TAFA1: variants seen among roughly 807,000 people sequenced by gnomAD.
TAFA1 encodes the protein chemokine-like protein TAFA-1.
A neutral mutation model predicts 18.5 loss-of-function variants in TAFA1; 4 were observed. The observed-to-expected ratio is 0.22, with a 90% CI of 0.11 to 0.49. The LOEUF is 0.49. TAFA1 is among the 20% of genes least tolerant of loss of function. The pLI, the probability that TAFA1 is intolerant of heterozygous loss-of-function variation, is 0.98. For missense variants in TAFA1, 147 were observed against 169.0 expected, an observed-to-expected ratio of 0.87 and a Z score of 0.72; for synonymous variants, 56 against 55.2, an observed-to-expected ratio of 1.01 and a Z score of -0.06.
intron 2 of TAFA1, among the ~76,000 whole-genome samples, chr3:68,035,690 A>G (rs185398936): frequency 6.8e-4 from 104 of 152,336 alleles, no homozygotes; most frequent in African/African-American, 2.4e-3. Flanking sequence ...GTATTCGCCC[A>G]AAAGAAATGC....
At chr3:68,140,221 A>C (rs750037551) in intron 2 of TAFA1, among the ~76,000 whole-genome samples, 23 of 152,194 alleles carry the variant, frequency 1.5e-4, no homozygotes, top group Non-Finnish European at 3.2e-4. Context: ...TGGTTATCAA[A>C]GTTGATTCAG....
At chr3:68,326,809 GATAA>G (rs1455138430) in intron 2 of TAFA1, among the ~76,000 whole-genome samples, 3 of 152,094 alleles carry the variant, frequency 2.0e-5, no homozygotes, top group African/African-American at 7.2e-5. Flanking sequence ...CCTTTGAAAA[GATAA>G]ATAAATAGGG....
chr3:68,526,093 C>T (rs1197431401), intron 3 of TAFA1, among the ~76,000 whole-genome samples: 2 of 152,180 alleles, frequency 1.3e-5, no homozygotes, highest in African/African-American at 4.8e-5. Context: ...AGACACTTCT[C>T]TCCTAGTTGG....
At chr3:68,172,346 A>G (rs4390930) in intron 2 of TAFA1, among the ~76,000 whole-genome samples, 5 of 152,178 alleles carry the variant, frequency 3.3e-5, no homozygotes, top group African/African-American at 1.2e-4. Flanking sequence ...CCACACTGCA[A>G]TACTACTTCA....
chr3:68,032,651 T>C (rs2106655866), intron 2 of TAFA1, among the ~76,000 whole-genome samples: 1 of 152,190 alleles, frequency 6.6e-6, no homozygotes, highest in Middle Eastern at 3.4e-3. Context: ...CCACTTCCCT[T>C]CCCACTCCTC....
intron 2 of TAFA1, among the ~76,000 whole-genome samples, chr3:68,289,903 T>C (rs76440699): frequency 0.086 from 13,086 of 152,272 alleles, 585 homozygotes; most frequent in Middle Eastern, 0.12. Flanking sequence ...TGGAAATGAA[T>C]GAATGGATGA....
intron 2 of TAFA1, among the ~76,000 whole-genome samples, chr3:68,411,380 T>G (rs77505932): frequency 6.6e-6 from 1 of 152,218 alleles, no homozygotes; most frequent in Non-Finnish European, 1.5e-5. Context: ...TATTTGATCA[T>G]GCAAAAATCC....
intron 2 of TAFA1, among the ~76,000 whole-genome samples, chr3:68,262,315 A>T (rs1247112995): frequency 3.5e-5 from 1 of 28,808 alleles, no homozygotes; most frequent in Non-Finnish European, 6.1e-5. Flanking sequence ...GGGTATATAT[A>T]TATATATATA....
intron 3 of TAFA1, among the ~76,000 whole-genome samples, chr3:68,423,158 A>G (rs1337919447): frequency 1.3e-5 from 2 of 152,122 alleles, no homozygotes; most frequent in South Asian, 2.1e-4. Flanking sequence ...AGTTGTAAAA[A>G]TAATGGAACA....
rs915012144 is a variant in TAFA1, at chr3:68,313,657, G to C, written c.119-103623G>C. Among the ~76,000 whole-genome samples the C allele has an allele frequency of 3.9e-5, 6 of 152,220 alleles. No homozygotes were observed. In the South Asian group the frequency reaches 6.2e-4, roughly 16 times the overall value. ...ATCCCCTCAGATGTATTATCTTTCT[G>C]CAGTGTACACCTGGACAATGGTATG... On this transcript the variant is annotated intron_variant, in intron 2 of 4. Transcript: ENST00000478136.
intron 3 of TAFA1, among the ~76,000 whole-genome samples, chr3:68,533,224 TCA>T (rs2073216925): frequency 6.6e-6 from 1 of 152,076 alleles, no homozygotes; most frequent in Admixed American, 6.5e-5. Flanking sequence ...TTTAATAGAC[TCA>T]CAGTTCCATG....
chr3:68,133,398 G>A (rs1487478084), intron 2 of TAFA1, among the ~76,000 whole-genome samples: 1 of 152,092 alleles, frequency 6.6e-6, no homozygotes, highest in African/African-American at 2.4e-5. Flanking sequence ...TTCTAGTTCT[G>A]TGAAGAAAGT....
chr3:68,238,345 A>G (rs2066955862), intron 2 of TAFA1, among the ~76,000 whole-genome samples: 1 of 152,102 alleles, frequency 6.6e-6, no homozygotes, highest in South Asian at 2.1e-4. Flanking sequence ...TCTTAATTTT[A>G]CCAGTTAATT....
chr3:68,356,206 G>A (rs1408172181), intron 2 of TAFA1, among the ~76,000 whole-genome samples: 1 of 151,778 alleles, frequency 6.6e-6, no homozygotes, highest in Non-Finnish European at 1.5e-5. Flanking sequence ...AAAACAATTT[G>A]ATATACTGGG....
At chr3:68,483,030 G>A (rs1333959060) in intron 3 of TAFA1, among the ~76,000 whole-genome samples, 1 of 152,130 alleles carries the variant, frequency 6.6e-6, no homozygotes, top group Non-Finnish European at 1.5e-5. Context: ...ATAGGTCTTT[G>A]CCAGACATAG....
chr3:68,442,368 T>C (rs575618763), intron 3 of TAFA1, among the ~76,000 whole-genome samples: 2 of 152,206 alleles, frequency 1.3e-5, no homozygotes, highest in East Asian at 1.9e-4. Context: ...CTTCCTCTTC[T>C]TCTAAGGCCA....
At chr3:68,005,551 G>T (rs1197002158) in intron 1 of TAFA1, among the ~76,000 whole-genome samples, 1 of 152,166 alleles carries the variant, frequency 6.6e-6, no homozygotes, top group East Asian at 1.9e-4. Flanking sequence ...CATGAATAAA[G>T]AAGCCAGGCT....
At chr3:68,305,782 T>C (rs554411585) in intron 2 of TAFA1, among the ~76,000 whole-genome samples, 3 of 152,044 alleles carry the variant, frequency 2.0e-5, no homozygotes, top group South Asian at 2.1e-4. Context: ...GGACAAAAAC[T>C]CAAGAGCCAA....
intron 2 of TAFA1, among the ~76,000 whole-genome samples, chr3:68,119,867 A>C (rs759167207): frequency 1.3e-5 from 2 of 152,190 alleles, no homozygotes; most frequent in Non-Finnish European, 2.9e-5. Flanking sequence ...TTTCCCATAC[A>C]TACCCTAGTG....
Sources: allele counts gnomAD v4.1 joint callset (sites outside exome capture counted in the v4.1 genomes callset), GRCh38; gene constraint gnomAD v4.1.1; transcripts MANE v1.5; gene names NCBI Gene and HGNC (gene_info 2026-07-23, HGNC 2026-07-21).